The following ENTPD1 variants were observed in gnomAD, a reference collection of about 807,000 sequenced individuals.
The protein encoded by ENTPD1 is ATP diphosphohydrolase.
A neutral mutation model predicts 57.0 loss-of-function variants in ENTPD1; 33 were observed. The ratio of observed to expected loss-of-function variants is 0.58; its 90% CI spans 0.44 to 0.77. ENTPD1 has a LOEUF of 0.77. Ranked by LOEUF, ENTPD1 falls within the 30% of genes least tolerant of loss-of-function variation. ENTPD1 has a pLI of 0.00. For missense variants in ENTPD1, 501 were observed against 603.4 expected, an observed-to-expected ratio of 0.83 and a Z score of 1.78; for synonymous variants, 202 against 218.8, an observed-to-expected ratio of 0.92 and a Z score of 0.68.
Position 95,873,101 on chromosome 10 carries a change from G to T in ENTPD1, c.*6718G>T. On this transcript the variant is annotated 3_prime_UTR_variant, in exon 10 of 10. Transcript: ENST00000371205. ...AATAATTCAGTAGGTCTGGGGTGAGGCCTGAGGTTTTACATTTCCAACAAG... is the reference window on the plus strand; with the variant it reads ...AATAATTCAGTAGGTCTGGGGTGAGTCCTGAGGTTTTACATTTCCAACAAG... The T allele has an allele frequency of 1.1e-6, 1 of 943,342 alleles. No individual in the cohort carries two copies. Among genetic ancestry groups the T allele is most frequent in the South Asian group, 4.9e-5 (1 of 20,398 alleles). 58.4% of individuals were successfully genotyped at this position (943,342 alleles called of 1,614,324 possible).
chr10:95,847,557 C>T lies in ENTPD1; in HGVS notation c.925C>T (p.Leu309Phe), dbSNP rs1268980941. Residue 309 changes from leucine (L) to phenylalanine (F), a missense_variant, in exon 7 of 10, where the codon CTT becomes TTT. Transcript: ENST00000371205. The stretch of plus-strand genomic sequence containing the variant: ...CTGCACCAAGAGATTTGAGATGACT[C>T]TTCCATTCCAGCAGTTTGAAATCCA... ...TPCTKRFEMTLPFQQFEIQGI... is the reference protein window; with the variant it reads ...TPCTKRFEMTFPFQQFEIQGI... The T allele has an allele frequency of 3.1e-6, 5 of 1,614,200 alleles. No homozygotes were observed. The highest frequency in any genetic ancestry group is 4.2e-6 in the Non-Finnish European group (5 of 1,180,028).
rs370164962 is a variant in ENTPD1, at chr10:95,712,022, G to A, written c.37+29G>A. On this transcript the variant is annotated intron_variant, in intron 1 of 9. Coordinates refer to the ENTPD1 transcript ENST00000453258. Reference sequence around the variant, plus strand: ...AGAAATTCTTACCAGTCAGGCTCCCGGCCTCTCTCCCTCTGTGGAATCTGG... The same window carrying A: ...AGAAATTCTTACCAGTCAGGCTCCCAGCCTCTCTCCCTCTGTGGAATCTGG... 2.5e-4 allele frequency: 401 copies of A among 1,613,704 alleles called. No individual in the cohort carries two copies. In the African/African-American group the frequency reaches 4.7e-3, roughly 19 times the overall value.
intron 1 of ENTPD1, among the ~76,000 whole-genome samples, chr10:95,748,693 TTTTC>T (rs1451243842): frequency 6.6e-6 from 1 of 152,206 alleles, no homozygotes; most frequent in African/African-American, 2.4e-5. Context: ...ATTTCTTTGA[TTTTC>T]TTTAAGTTTC....
intron 1 of ENTPD1, among the ~76,000 whole-genome samples, chr10:95,744,856 G>A (rs186491905): frequency 6.6e-6 from 1 of 152,204 alleles, no homozygotes; most frequent in Admixed American, 6.5e-5. Context: ...CACCATTACA[G>A]TATCATACTG....
chr10:95,721,715 C>G (rs2139828080), intron 1 of ENTPD1, among the ~76,000 whole-genome samples: 1 of 152,078 alleles, frequency 6.6e-6, no homozygotes, highest in African/African-American at 2.4e-5. Flanking sequence ...ATGCCATCAC[C>G]CCTAGTCATT....
At chr10:95,754,740 AGTT>A (rs1380945597), upstream of ENTPD1, 2 of 152,244 alleles carry the variant, frequency 1.3e-5, no homozygotes. Context: ...CAGTGTAATT[AGTT>A]GTTATCATAC....
intron 7 of ENTPD1, among the ~76,000 whole-genome samples, chr10:95,855,052 T>C (rs1300385150): frequency 5.3e-5 from 8 of 152,120 alleles, no homozygotes; most frequent in Non-Finnish European, 1.0e-4. Flanking sequence ...AAGTCTCCCA[T>C]TATTATTGTG....
At chr10:95,856,671 T>TATATATATATATATATATATATATATAC (rs571622251) in intron 7 of ENTPD1, among the ~76,000 whole-genome samples, 1 of 146,780 alleles carries the variant, frequency 6.8e-6, no homozygotes, top group African/African-American at 2.5e-5. Context: ...TATATATATA[T>TATATATATATATATATATATATATATAC]ACACACACAT....
chr10:95,775,223 T>C (rs2098129557), intron 1 of ENTPD1, among the ~76,000 whole-genome samples: 1 of 152,228 alleles, frequency 6.6e-6, no homozygotes, highest in African/African-American at 2.4e-5. Flanking sequence ...TAAGGAGATT[T>C]TGGGCTGAGA....
intron 1 of ENTPD1, among the ~76,000 whole-genome samples, chr10:95,730,735 A>T (rs536113677): frequency 6.6e-6 from 1 of 152,354 alleles, no homozygotes; most frequent in African/African-American, 2.4e-5. Flanking sequence ...TGAAAAACAC[A>T]ATGAAACAAA....
At chr10:95,722,410 T>C (rs1253936500) in intron 1 of ENTPD1, among the ~76,000 whole-genome samples, 2 of 152,104 alleles carry the variant, frequency 1.3e-5, no homozygotes, top group Non-Finnish European at 2.9e-5. Context: ...TGTCCAACAA[T>C]GATAGACTGG....
intron 9 of ENTPD1, among the ~76,000 whole-genome samples, chr10:95,865,839 CT>C (rs2098473342): frequency 1.3e-5 from 2 of 152,072 alleles, no homozygotes; most frequent in Non-Finnish European, 2.9e-5. Flanking sequence ...ATGATCACAG[CT>C]CACTGAAGCC....
intron 1 of ENTPD1, among the ~76,000 whole-genome samples, chr10:95,728,350 A>C (rs758140409): frequency 6.6e-6 from 1 of 152,242 alleles, no homozygotes; most frequent in Non-Finnish European, 1.5e-5. Context: ...TGTAGGGAAG[A>C]GAAAATATAT....
At chr10:95,832,928 G>A (rs149359122) in intron 2 of ENTPD1, among the ~76,000 whole-genome samples, 1 of 152,312 alleles carries the variant, frequency 6.6e-6, no homozygotes, top group African/African-American at 2.4e-5. Flanking sequence ...CCTATGGAAG[G>A]CCCTTAGCTA....
chr10:95,722,065 G>A (rs181014824), intron 1 of ENTPD1, among the ~76,000 whole-genome samples: 205 of 152,278 alleles, frequency 1.3e-3, no homozygotes, highest in African/African-American at 4.8e-3. Context: ...CAGAGAGGGT[G>A]TAGGTAACAT....
At chr10:95,760,832 T>A (rs1433069952) in intron 1 of ENTPD1, among the ~76,000 whole-genome samples, 3 of 121,246 alleles carry the variant, frequency 2.5e-5, no homozygotes, top group African/African-American at 1.1e-4. Flanking sequence ...TTTTTTTTTT[T>A]TTTTTTTTTT....
chr10:95,709,386 T>C (rs1469918671), upstream of ENTPD1, among the ~76,000 whole-genome samples: 2 of 152,156 alleles, frequency 1.3e-5, no homozygotes, highest in African/African-American at 4.8e-5. Flanking sequence ...TTGTTTGTTT[T>C]TTCTTTGTTT....
intron 1 of ENTPD1, among the ~76,000 whole-genome samples, chr10:95,742,758 A>C (rs2098001814): frequency 6.6e-6 from 1 of 152,220 alleles, no homozygotes; most frequent in Admixed American, 6.5e-5. Flanking sequence ...TGTCGTCATT[A>C]AAGCAGTTAC....
In ENTPD1 at chr10:95,866,498, G is replaced by A. The variant is rs574362444; in HGVS notation, c.*115G>A. 2.3e-4 allele frequency: 351 copies of A among 1,547,788 alleles called. No individual in the cohort carries two copies. The highest frequency in any genetic ancestry group is 2.7e-4 in the Non-Finnish European group (314 of 1,148,084). ...CCTGTCTGCCAGGGCCAGTCTTGAC[G>A]AGTGTGAAGCTTCCTTGGCTTTTAC... On this transcript the variant is annotated 3_prime_UTR_variant, in exon 10 of 10. Coordinates refer to ENST00000371205, the MANE Select transcript of ENTPD1 (RefSeq NM_001776.6).
Sources: allele counts gnomAD v4.1 joint callset (sites outside exome capture counted in the v4.1 genomes callset), GRCh38; gene constraint gnomAD v4.1.1; transcripts MANE v1.5; gene names NCBI Gene and HGNC (gene_info 2026-07-23, HGNC 2026-07-21).